Variants in SIM2 observed in about 807,000 individuals in gnomAD.
SIM2 encodes single-minded homolog 2.
In SIM2, 28 loss-of-function variants were observed where a neutral mutation model predicts 64.8. The ratio of observed to expected loss-of-function variants is 0.43; its 90% CI spans 0.32 to 0.59. The LOEUF is 0.59. SIM2 is among the 20% of genes least tolerant of loss of function. The pLI is 0.07. For synonymous variants in SIM2, 408 were observed against 391.1 expected (o/e 1.04, Z -0.51); for missense variants, 847 against 871.4 (o/e 0.97, Z 0.35).
At position 36,745,424 on chromosome 21, in the gene SIM2, C is replaced by G; in HGVS notation, c.1576+288C>G. ...GTAAATCCTGGCCACATTCACCAAC[C>G]AAAGGGGGACAGTGATTTTCAAAAC... On this transcript the variant is annotated intron_variant, in intron 10 of 10. Transcript: ENST00000290399. The surrounding 1 kb of genome is among the most constrained non-coding windows in gnomAD (Gnocchi z 4.8). 6 of 1,294,992 alleles carry G rather than the reference C, an allele frequency of 4.6e-6. No homozygotes were observed. Among genetic ancestry groups the G allele is most frequent in the Non-Finnish European group, 6.0e-6 (6 of 1,007,398 alleles). The allele number at this position is 1,294,992 out of a possible 1,614,324, so 80.2% of individuals were successfully genotyped here.
intron 7 of SIM2, among the ~76,000 whole-genome samples, chr21:36,736,839 CTCTTTCTTTTCTTTCTTTCTTTT>C (rs1568938334): frequency 2.1e-5 from 2 of 95,726 alleles, no homozygotes; most frequent in African/African-American, 1.1e-4. Flanking sequence ...TTCTTTCTTT[CTCTTTCTTTTCTTTCTTTCTTTT>C]TCTTTCTTTC....
chr21:36,738,114 G>A (rs536945934), intron 7 of SIM2, among the ~76,000 whole-genome samples: 2 of 152,182 alleles, frequency 1.3e-5, no homozygotes, highest in African/African-American at 2.4e-5. Context: ...TGAGCCTGCT[G>A]CATCTCTTGG....
chr21:36,735,498 T>C (rs1442239469), intron 7 of SIM2, among the ~76,000 whole-genome samples: 2 of 152,222 alleles, frequency 1.3e-5, no homozygotes, highest in African/African-American at 4.8e-5. Flanking sequence ...ACCACTGCTG[T>C]GTGAGGGCTG....
intron 1 of SIM2, among the ~76,000 whole-genome samples, chr21:36,702,287 A>G (rs2088512112): frequency 6.6e-6 from 1 of 151,970 alleles, no homozygotes; most frequent in Admixed American, 6.5e-5. Flanking sequence ...GGAGGGGGTG[A>G]CCCTGGAAGT....
rs1369819511 is a variant in SIM2, at chr21:36,699,858, G to T, written c.112G>T (p.Asp38Tyr). The T allele has an allele frequency of 6.2e-7, 1 of 1,609,802 alleles. No homozygotes were observed. The highest frequency in any genetic ancestry group is 1.1e-5 in the South Asian group (1 of 90,046). The change falls in exon 1 of 11, where the codon GAC becomes TAC. Residue 38 changes from aspartate (D) to tyrosine (Y), a missense_variant. Transcript: ENST00000290399. This position sits in a 1 kb window ranked among gnomAD's most constrained non-coding sequence, Gnocchi z 5.6. Reference sequence around the variant, plus strand: ...GCCGTCGGCCATCACTTCGCAGCTGGACAAAGCGTCCATCATCCGCCTCAC... The same window carrying T: ...GCCGTCGGCCATCACTTCGCAGCTGTACAAAGCGTCCATCATCCGCCTCAC... The part of the protein sequence containing the change: ...PLPSAITSQL[D>Y]KASIIRLTTS...
Position 36,743,509 on chromosome 21 carries a change from A to C in SIM2, c.1121A>C (p.Asn374Thr). The stretch of plus-strand genomic sequence containing the variant: ...ACTAGGAAATTAGTGAAACCCAAAA[A>C]TACCAAGATGAAGACAAAGCTGAGA... ...QETRKLVKPK[N>T]TKMKTKLRTN... Residue 374 changes from asparagine (N) to threonine (T), a missense_variant, in exon 9 of 11, where the codon AAT becomes ACT. Physicochemically the swap from Asn to Thr is moderately conservative, Grantham distance 65. Coordinates refer to ENST00000290399, the MANE Select transcript of SIM2 (RefSeq NM_005069.6). The C allele has an allele frequency of 1.2e-6, 2 of 1,614,098 alleles. No homozygotes were observed. Among genetic ancestry groups the C allele is most frequent in the East Asian group, 4.5e-5 (2 of 44,888 alleles).
Position 36,747,715 on chromosome 21 carries a change from T to C in SIM2, c.1627T>C (p.Phe543Leu). 3.9e-6 allele frequency: 5 copies of C among 1,276,226 alleles called. No individual in the cohort carries two copies. Among genetic ancestry groups the C allele is most frequent in the Non-Finnish European group, 5.0e-6 (5 of 1,009,232 alleles). The allele number at this position is 1,276,226 out of a possible 1,614,324, so 79.1% of individuals were successfully genotyped here. A position where few individuals can be genotyped will look rare whatever the true frequency, so the allele number is the denominator to read the frequency against. ...CGGCGAGGACACCGCGCCCCCGAGC[T>C]TCCCGAGCTGCGGCCACTACCGCGA... ...RFGEDTAPPS[F>L]PSCGHYREEP... is the part of the protein sequence containing the mutation. Residue 543 changes from phenylalanine to leucine, a missense_variant, in exon 11 of 11, where the codon TTC becomes CTC. Phe to Leu is a conservative substitution (Grantham distance 22). Transcript: ENST00000290399. This position sits in a 1 kb window ranked among gnomAD's most constrained non-coding sequence, Gnocchi z 4.5.
At chr21:36,702,367 C>T (rs958962468) in intron 1 of SIM2, among the ~76,000 whole-genome samples, 2 of 152,184 alleles carry the variant, frequency 1.3e-5, no homozygotes. Flanking sequence ...CGGTCCCCCT[C>T]GGAAAGGGAA....
At chr21:36,701,775 A>G (rs1300842489) in intron 1 of SIM2, among the ~76,000 whole-genome samples, 1 of 152,246 alleles carries the variant, frequency 6.6e-6, no homozygotes, top group East Asian at 1.9e-4. Flanking sequence ...GGAAATTAAA[A>G]GAACATTCGG....
At position 36,723,135 on chromosome 21, in the gene SIM2, G is replaced by C. The variant is rs200328458; in HGVS notation, c.543+5G>C. The C allele has an allele frequency of 5.0e-6, 8 of 1,612,178 alleles. No individual in the cohort carries two copies. In the Admixed American group the frequency reaches 5.0e-5, roughly 10 times the overall value. On this transcript the variant is annotated splice_donor_5th_base_variant and intron_variant, in intron 5 of 10. Coordinates refer to ENST00000290399, the MANE Select transcript of SIM2 (RefSeq NM_005069.6). ...CTGACCTGCAGCGGATACAAGGTAC[G>C]GGGAGTCATGGGTGCGGGGAGGAGC...
chr21:36,725,253 G>A (rs1466982619), intron 5 of SIM2, among the ~76,000 whole-genome samples: 3 of 152,178 alleles, frequency 2.0e-5, no homozygotes, highest in South Asian at 4.1e-4. Context: ...AGGAGGCTAA[G>A]GTGGGAGGAT....
chr21:36,707,967 G>GGGGTGGGGA (rs1301268954), intron 1 of SIM2, among the ~76,000 whole-genome samples: 2 of 16,218 alleles, frequency 1.2e-4, no homozygotes, highest in Non-Finnish European at 2.2e-4. Flanking sequence ...GGCTGGGCCT[G>GGGGTGGGGA]GCCCAGCGTG....
chr21:36,704,312 G>T (rs2088548522), intron 1 of SIM2, among the ~76,000 whole-genome samples: 1 of 152,244 alleles, frequency 6.6e-6, no homozygotes, highest in African/African-American at 2.4e-5. Flanking sequence ...GGGCGTCAGA[G>T]ATGTGAGGCA....
intron 1 of SIM2, among the ~76,000 whole-genome samples, chr21:36,706,267 T>C (rs1290790716): frequency 6.6e-6 from 1 of 152,218 alleles, no homozygotes; most frequent in Non-Finnish European, 1.5e-5. Context: ...CATTTCTCCC[T>C]GGGGGTCCCA....
chr21:36,705,504 A>T (rs1241157575), intron 1 of SIM2, among the ~76,000 whole-genome samples: 1 of 152,144 alleles, frequency 6.6e-6, no homozygotes, highest in Non-Finnish European at 1.5e-5. Context: ...GGAGGCACAA[A>T]GTGATGGCAG....
At chr21:36,729,436 T>C (rs760317923) in intron 6 of SIM2, among the ~76,000 whole-genome samples, 1 of 152,052 alleles carries the variant, frequency 6.6e-6, no homozygotes, top group Non-Finnish European at 1.5e-5. Context: ...AAGGACACCA[T>C]GGAAATGAGT....
In SIM2 at chr21:36,745,261, T is replaced by G; in HGVS notation, c.1576+125T>G. ...GCTTTGGGCAAACTTGCCCTCTTTC[T>G]GCTTCTAAGTAGGGCTTGCTGTGCT... On this transcript the variant is annotated intron_variant, in intron 10 of 10. Coordinates refer to ENST00000290399, the MANE Select transcript of SIM2 (RefSeq NM_005069.6). The surrounding 1 kb of genome is among the most constrained non-coding windows in gnomAD (Gnocchi z 4.8). 3 of 1,464,842 alleles carry G rather than the reference T, an allele frequency of 2.0e-6. No individual in the cohort carries two copies. The highest frequency in any genetic ancestry group is 2.7e-6 in the Non-Finnish European group (3 of 1,105,208). 90.7% of individuals were successfully genotyped at this position (1,464,842 alleles called of 1,614,324 possible). A position where few individuals can be genotyped will look rare whatever the true frequency, so the allele number is the denominator to read the frequency against.
Position 36,699,668 on chromosome 21 carries a change from AT to A in SIM2, c.-78del. 6.6e-7 allele frequency: 1 copy of A among 1,512,814 alleles called. No individual in the cohort carries two copies. Among genetic ancestry groups the A allele is most frequent in the Non-Finnish European group, 8.9e-7 (1 of 1,125,082 alleles). The allele number at this position is 1,512,814 out of a possible 1,614,324, so 93.7% of individuals were successfully genotyped here. A position where few individuals can be genotyped will look rare whatever the true frequency, so the allele number is the denominator to read the frequency against. ...CCTGGCTCCCGGCTCCCCCTTCCCC[AT>A]CCCCGCCGCCGCAGCCCGAGCGGGG... On this transcript the variant is annotated 5_prime_UTR_variant, in exon 1 of 11. Transcript: ENST00000290399. The surrounding 1 kb of genome is among the most constrained non-coding windows in gnomAD (Gnocchi z 5.6).
chr21:36,722,272 C>T (rs1170597937), intron 4 of SIM2, among the ~76,000 whole-genome samples: 3 of 152,176 alleles, frequency 2.0e-5, no homozygotes, highest in Non-Finnish European at 4.4e-5. Context: ...ATGGCAGCCT[C>T]TCCAACTGGG....
Sources: gnomAD v4.1 joint callset for allele counts (sites outside exome capture counted in the v4.1 genomes callset) on GRCh38, gnomAD v4.1.1 for gene constraint, Gnocchi (gnomAD v3.1) non-coding constraint, MANE v1.5 for transcripts, NCBI Gene and HGNC (gene_info 2026-07-23, HGNC 2026-07-21) for gene names.